MAMDC2: variants seen among roughly 807,000 people sequenced by gnomAD.
MAMDC2 encodes MAM domain-containing protein 2.
In MAMDC2, 57 loss-of-function variants were observed where a neutral mutation model predicts 89.8. That is an observed-to-expected ratio of 0.63 (90% CI 0.51 to 0.79). MAMDC2 has a LOEUF of 0.79. Among genes scored for constraint, MAMDC2 ranks in the 30% least tolerant of loss-of-function variants. The probability of loss-of-function intolerance (pLI) is 0.00; values close to 1 mark genes in which losing one functional copy is unlikely to be tolerated. For missense variants in MAMDC2, 800 were observed against 820.6 expected (o/e 0.97, Z 0.31); for synonymous variants, 313 against 293.4 (o/e 1.07, Z -0.68).
chr9:70,168,363 G>A (rs1008906012), intron 9 of MAMDC2, among the ~76,000 whole-genome samples: 2 of 152,068 alleles, frequency 1.3e-5, no homozygotes, highest in African/African-American at 4.8e-5. Context: ...ATGGTGACGG[G>A]TGTCCGTAAT....
At chr9:70,071,850 G>A (rs1033543876) in intron 2 of MAMDC2, 36 of 152,126 alleles carry the variant, frequency 2.4e-4, no homozygotes, top group African/African-American at 8.0e-4. Flanking sequence ...AAAGGCTGAA[G>A]GAAGGGACCA....
At chr9:70,217,817 A>G in intron 11 of MAMDC2, 1 of 641,646 alleles carries the variant, frequency 1.6e-6, no homozygotes, top group Non-Finnish European at 2.8e-6. Context: ...ACATGTGAGC[A>G]TATGTCATTA....
chr9:70,060,084 T>C (rs1046962107), intron 2 of MAMDC2, among the ~76,000 whole-genome samples: 1 of 152,216 alleles, frequency 6.6e-6, no homozygotes, highest in Non-Finnish European at 1.5e-5. Context: ...GGACATTGGC[T>C]CTCTGATATT....
intron 12 of MAMDC2, among the ~76,000 whole-genome samples, chr9:70,219,317 T>C (rs2118690825): frequency 6.6e-6 from 1 of 152,310 alleles, no homozygotes; most frequent in African/African-American, 2.4e-5. Context: ...TCCAGAAAGC[T>C]GTGGGAGATG....
intron 2 of MAMDC2, chr9:70,079,369 G>A (rs1230982566): frequency 3.3e-5 from 5 of 152,076 alleles, no homozygotes; most frequent in Non-Finnish European, 7.4e-5. Context: ...GCTTATTCAA[G>A]GAACAAATTC....
intron 11 of MAMDC2, among the ~76,000 whole-genome samples, chr9:70,181,959 T>G (rs2032654636): frequency 6.6e-6 from 1 of 152,338 alleles, no homozygotes; most frequent in African/African-American, 2.4e-5. Flanking sequence ...GCTTCCAGCT[T>G]TTCCCCATTC....
chr9:70,170,541 G>C lies in MAMDC2; in HGVS notation c.1561G>C (p.Glu521Gln). The part of the protein sequence containing the change: ...FEQDECTFTQ[E>Q]KRNRSSWHRR... The stretch of plus-strand genomic sequence containing the variant: ...GCAAGATGAATGTACATTTACTCAG[G>C]AGAAAAGAAACCGGAGCAGCTGGCA... The change falls in exon 11 of 14, where the codon GAG becomes CAG. Residue 521 changes from glutamate (E) to glutamine (Q), a missense_variant. Glu to Gln is a conservative substitution (Grantham distance 29). Transcript: ENST00000377182. 6.2e-7 allele frequency: 1 copy of C among 1,613,238 alleles called. No individual in the cohort carries two copies. Among genetic ancestry groups the C allele is most frequent in the Non-Finnish European group, 8.5e-7 (1 of 1,179,792 alleles).
intron 9 of MAMDC2, among the ~76,000 whole-genome samples, chr9:70,160,150 T>C (rs1222020660): frequency 6.6e-6 from 1 of 151,912 alleles, no homozygotes; most frequent in Non-Finnish European, 1.5e-5. Flanking sequence ...AGGGAGAGGT[T>C]GCAGTGAGCC....
At chr9:70,145,231 A>C (rs2031363806) in intron 9 of MAMDC2, among the ~76,000 whole-genome samples, 1 of 152,206 alleles carries the variant, frequency 6.6e-6, no homozygotes, top group African/African-American at 2.4e-5. Flanking sequence ...TTGATCACCT[A>C]ACTAAATTGA....
intron 2 of MAMDC2, chr9:70,081,615 T>TA (rs1827655730): frequency 6.6e-6 from 1 of 152,054 alleles, no homozygotes. Flanking sequence ...TAGGGGATAT[T>TA]AAAAAACCCT....
At chr9:70,051,739 C>A (rs1032125397) in intron 2 of MAMDC2, among the ~76,000 whole-genome samples, 1 of 152,142 alleles carries the variant, frequency 6.6e-6, no homozygotes, top group Non-Finnish European at 1.5e-5. Context: ...TTGTGTCTAA[C>A]AACTATCCCA....
intron 2 of MAMDC2, 28 bp from the exon 3 acceptor site, chr9:70,108,183 C>A (rs1036585855): frequency 1.3e-6 from 2 of 1,507,662 alleles, no homozygotes; most frequent in Non-Finnish European, 1.8e-6. Flanking sequence ...AAAATTGATC[C>A]TTTTCCTATG....
At chr9:70,159,143 G>T (rs1432455679) in intron 9 of MAMDC2, among the ~76,000 whole-genome samples, 1 of 151,988 alleles carries the variant, frequency 6.6e-6, no homozygotes. Flanking sequence ...GCTCTTATAT[G>T]AGGGTAAATT....
Position 70,170,576 on chromosome 9 carries a change from G to A in MAMDC2, c.1596G>A (p.Arg532=). The A allele has an allele frequency of 6.2e-7, 1 of 1,612,676 alleles. No homozygotes were observed. The change falls in exon 11 of 14, where the codon AGG becomes AGA. Residue 532 remains arginine (R), a synonymous_variant. Coordinates refer to ENST00000377182, the MANE Select transcript of MAMDC2 (RefSeq NM_153267.5). ...KRNRSSWHRR[R]GETPTSYTGP... ...ACCGGAGCAGCTGGCACAGGAGGAG[G>A]GGAGAAACTCCCACTTCCTACACAG...
chr9:70,195,494 GAAAATATT>G, intron 11 of MAMDC2, among the ~76,000 whole-genome samples: 1 of 152,238 alleles, frequency 6.6e-6, no homozygotes, highest in East Asian at 1.9e-4. Context: ...GCCATGGTCT[GAAAATATT>G]AAATGGAAAA....
chr9:70,043,924 C>A lies in MAMDC2; in HGVS notation c.-274C>A. 1.7e-6 allele frequency: 1 copy of A among 575,946 alleles called. No individual in the cohort carries two copies. Among genetic ancestry groups the A allele is most frequent in the Non-Finnish European group, 3.1e-6 (1 of 323,194 alleles). The allele number at this position is 575,946 out of a possible 1,614,324, so 35.7% of individuals were successfully genotyped here. A position where few individuals can be genotyped will look rare whatever the true frequency, so the allele number is the denominator to read the frequency against. ...TCTCCTCCCTGTCCAGCCCCATCGTCGCCCAGGACCAGCTGGGCCGCGGTC... is the reference window on the plus strand; with the variant it reads ...TCTCCTCCCTGTCCAGCCCCATCGTAGCCCAGGACCAGCTGGGCCGCGGTC... On this transcript the variant is annotated 5_prime_UTR_variant, in exon 1 of 14. Transcript: ENST00000377182.
chr9:70,131,610 C>T lies in MAMDC2; in HGVS notation c.992C>T (p.Thr331Ile), dbSNP rs199645738. 2.5e-6 allele frequency: 4 copies of T among 1,603,090 alleles called. No homozygotes were observed. Among genetic ancestry groups the T allele is most frequent in the Admixed American group, 3.4e-5 (2 of 58,164 alleles). ...SFSPVHCQNQ[T>I]ELLFSAVEAS... ...TCTCCTGTTCACTGCCAGAATCAGACAGGTGAGCATTCTCTATTTGTCATT... is the reference window on the plus strand; with the variant it reads ...TCTCCTGTTCACTGCCAGAATCAGATAGGTGAGCATTCTCTATTTGTCATT... Residue 331 changes from threonine to isoleucine, a missense_variant and splice_region_variant, in exon 7 of 14, where the codon ACA becomes ATA. By Grantham distance (89) the Thr-to-Ile change is moderately conservative. Transcript: ENST00000377182.
At chr9:70,132,329 C>T (rs891302214) in intron 7 of MAMDC2, among the ~76,000 whole-genome samples, 3 of 151,956 alleles carry the variant, frequency 2.0e-5, no homozygotes, top group Non-Finnish European at 2.9e-5. Context: ...TAAAATTGAC[C>T]TTACTGTTTA....
rs1057288256 is a variant in MAMDC2, at chr9:70,165,795, G to A, written c.1405-2907G>A. ...CACTGAGCATCTTCGAATGTGGCTC[G>A]TGTGACTGAATACATGAATTTTTAA... On this transcript the variant is annotated intron_variant, in intron 9 of 13. Coordinates refer to ENST00000377182, the MANE Select transcript of MAMDC2 (RefSeq NM_153267.5). Among the ~76,000 whole-genome samples, 8 of 152,272 alleles carry A rather than the reference G, an allele frequency of 5.3e-5. 1 individual carries two copies. In the East Asian group the frequency reaches 1.4e-3, roughly 26 times the overall value.
Sources: gnomAD v4.1 joint callset for allele counts (sites outside exome capture counted in the v4.1 genomes callset) on GRCh38, gnomAD v4.1.1 for gene constraint, MANE v1.5 for transcripts, NCBI Gene and HGNC (gene_info 2026-07-23, HGNC 2026-07-21) for gene names.